Variants in RAB19 observed in about 807,000 individuals in gnomAD.
The protein encoded by RAB19 is ras-related protein Rab-19.
RAB19 carries 21 observed loss-of-function variants against 17.3 expected under a neutral mutation model. The observed-to-expected ratio is 1.21, with a 90% CI of 0.86 to 1.74. RAB19 has a LOEUF of 1.74. RAB19 is among the 40% of genes most tolerant of loss of function. The pLI is 0.00. For missense variants in RAB19, 277 were observed against 286.8 expected, an observed-to-expected ratio of 0.97 and a Z score of 0.25; for synonymous variants, 126 against 110.4, an observed-to-expected ratio of 1.14 and a Z score of -0.88.
chr7:140,405,788 CAAAAAA>C (rs35424074), intron 1 of RAB19, among the ~76,000 whole-genome samples: 1 of 108,842 alleles, frequency 9.2e-6, no homozygotes, highest in Non-Finnish European at 2.0e-5. Context: ...GACTCTGTCT[CAAAAAA>C]AAAAAAAAAA....
rs1799683815 is a variant in RAB19 at position 140,426,972 on chromosome 7, G to A, written c.*822G>A. Among the ~76,000 whole-genome samples, 1 of 150,808 alleles carries A rather than the reference G, an allele frequency of 6.6e-6. No individual in the cohort carries two copies. Among genetic ancestry groups the A allele is most frequent in the South Asian group, 2.1e-4 (1 of 4,778 alleles). ...TTCTCCCACCTCAGTCTCCCAAGTG[G>A]CTGGGACTACAGACACACGCCACCA... On this transcript the variant is annotated 3_prime_UTR_variant, in exon 4 of 4. Transcript: ENST00000537763.
rs369581227 is a variant in RAB19, at chr7:140,422,972, G to T, written c.386-2910G>T. 1.2e-4 allele frequency among the ~76,000 whole-genome samples: 18 copies of T among 151,932 alleles called. 1 individual carries two copies. Among genetic ancestry groups the T allele is most frequent in the African/African-American group, 4.3e-4 (18 of 41,426 alleles). Reference sequence around the variant, plus strand: ...AAAATACAAAAATTAGCCAGGCATGGTGGTGTATGCCTGTAATCCCAGTTA... The same window carrying T: ...AAAATACAAAAATTAGCCAGGCATGTTGGTGTATGCCTGTAATCCCAGTTA... On this transcript the variant is annotated intron_variant, in intron 3 of 3. Transcript: ENST00000537763.
chr7:140,422,828 C>A (rs1204284605), intron 3 of RAB19, among the ~76,000 whole-genome samples: 2 of 152,056 alleles, frequency 1.3e-5, no homozygotes, highest in African/African-American at 4.8e-5. Context: ...TAAATAAAGG[C>A]CAGGCACCGT....
At chr7:140,410,313 CT>C (rs762151021) in intron 2 of RAB19, among the ~76,000 whole-genome samples, 3,773 of 80,704 alleles carry the variant, frequency 0.047, 24 homozygotes, top group Middle Eastern at 0.13. Flanking sequence ...TTGTATTTTT[CT>C]TTTTTTTTTT....
intron 2 of RAB19, among the ~76,000 whole-genome samples, chr7:140,410,460 G>A (rs941210928): frequency 1.3e-5 from 2 of 151,834 alleles, no homozygotes; most frequent in Non-Finnish European, 2.9e-5. Flanking sequence ...CCGAGTAGCT[G>A]GGACTACAGG....
chr7:140,421,741 C>G (rs759219913), intron 3 of RAB19, among the ~76,000 whole-genome samples: 2 of 152,124 alleles, frequency 1.3e-5, no homozygotes. Flanking sequence ...CTCAAGTGAT[C>G]CTCTTGCCTC....
intron 3 of RAB19, among the ~76,000 whole-genome samples, chr7:140,416,109 A>G (rs1006977294): frequency 1.3e-5 from 2 of 152,124 alleles, no homozygotes; most frequent in Admixed American, 6.6e-5. Flanking sequence ...TTGGGAGGCC[A>G]AGGCGGGCAG....
intron 2 of RAB19, 36 bp downstream of exon 2, chr7:140,407,883 T>A (rs1186935077): frequency 1.4e-4 from 29 of 213,308 alleles, no homozygotes; most frequent in Middle Eastern, 1.8e-3. Context: ...GTTCCACCTT[T>A]TTTTTTTTTT....
Position 140,425,500 on chromosome 7 carries a change from C to A in RAB19, c.386-382C>A, listed in dbSNP as rs955255843. On this transcript the variant is annotated intron_variant, in intron 3 of 3. Transcript: ENST00000537763. Reference sequence around the variant, plus strand: ...CAGCACTTTCGGAGGCCGAAGCAGGCGATCACCTGAGGTCAGGAGTACAAG... The same window carrying A: ...CAGCACTTTCGGAGGCCGAAGCAGGAGATCACCTGAGGTCAGGAGTACAAG... 2.0e-5 allele frequency among the ~76,000 whole-genome samples: 3 copies of A among 151,286 alleles called. No individual in the cohort carries two copies. The South Asian group carries it at 6.3e-4, about 32-fold the overall frequency.
At chr7:140,406,248 C>CA (rs56928355) in intron 1 of RAB19, among the ~76,000 whole-genome samples, 31,668 of 80,752 alleles carry the variant, frequency 0.39, 5,900 homozygotes, top group African/African-American at 0.48. Flanking sequence ...AACTCTGTCT[C>CA]AAAAAAAAAA....
chr7:140,414,567 G>C (rs1001949899), intron 3 of RAB19, among the ~76,000 whole-genome samples: 9 of 152,258 alleles, frequency 5.9e-5, no homozygotes, highest in Admixed American at 2.6e-4. Context: ...CTTCTTCCTT[G>C]GTTCTAGAAA....
At chr7:140,419,526 C>T (rs1799521417) in intron 3 of RAB19, among the ~76,000 whole-genome samples, 3 of 152,158 alleles carry the variant, frequency 2.0e-5, no homozygotes, top group Admixed American at 2.0e-4. Context: ...TGCAAGAACA[C>T]CCTACAGAGT....
Position 140,427,246 on chromosome 7 carries a change from G to T in RAB19, c.*1096G>T, listed in dbSNP as rs1203049397. On this transcript the variant is annotated 3_prime_UTR_variant, in exon 4 of 4. Transcript: ENST00000537763. ...TGCAACCTCAACCTCCACCTCCTGG[G>T]TTCAAGCAATTCTCCTGCCTCAGCC... 6.7e-6 allele frequency among the ~76,000 whole-genome samples: 1 copy of T among 150,102 alleles called. No individual in the cohort carries two copies. Among genetic ancestry groups the T allele is most frequent in the Non-Finnish European group, 1.5e-5 (1 of 67,770 alleles).
chr7:140,426,277 C>A lies in RAB19; in HGVS notation c.*127C>A. 9.0e-7 allele frequency: 1 copy of A among 1,107,106 alleles called. No homozygotes were observed. Among genetic ancestry groups the A allele is most frequent in the Non-Finnish European group, 1.3e-6 (1 of 793,116 alleles). 68.6% of individuals were successfully genotyped at this position (1,107,106 alleles called of 1,614,324 possible). ...GTGGACTTGCCGCTCACCCCTAATC[C>A]TCCCAGTCTGGATGGGCCACACTTC... On this transcript the variant is annotated 3_prime_UTR_variant, in exon 4 of 4. Coordinates refer to ENST00000537763, the MANE Select transcript of RAB19 (RefSeq NM_001008749.3).
At chr7:140,419,280 G>A (rs1045892296) in intron 3 of RAB19, among the ~76,000 whole-genome samples, 4 of 151,954 alleles carry the variant, frequency 2.6e-5, no homozygotes, top group Non-Finnish European at 5.9e-5. Flanking sequence ...TGTTGGCCAG[G>A]CTGGTCTTGA....
chr7:140,415,258 A>G (rs533006868), intron 3 of RAB19, among the ~76,000 whole-genome samples: 30 of 147,336 alleles, frequency 2.0e-4, no homozygotes, highest in African/African-American at 7.3e-4. Flanking sequence ...TGTTTTTAGT[A>G]GAGACAGGGT....
intron 3 of RAB19, among the ~76,000 whole-genome samples, chr7:140,420,397 G>A (rs1172907134): frequency 2.0e-5 from 3 of 147,656 alleles, no homozygotes; most frequent in African/African-American, 7.5e-5. Flanking sequence ...CTCCAGCCTG[G>A]GCAACAGAGT....
In RAB19 at chr7:140,405,289, C is replaced by T. The variant is rs148191140; in HGVS notation, c.-24+1072C>T. Among the ~76,000 whole-genome samples the T allele has an allele frequency of 8.5e-4, 130 of 152,190 alleles. 1 individual carries two copies. In the East Asian group the frequency reaches 0.017, roughly 20 times the overall value. ...AGGCTGGACTGCAATGGTGCGATCT[C>T]GGCTCACTGCAACCTCTGCCCTCTG... is the stretch of plus-strand genomic sequence containing the variant. On this transcript the variant is annotated intron_variant, in intron 1 of 3. Transcript: ENST00000537763.
intron 2 of RAB19, chr7:140,411,171 C>A: frequency 1.6e-6 from 2 of 1,286,312 alleles, no homozygotes; most frequent in South Asian, 2.3e-5. Flanking sequence ...AGGCCGAGGC[C>A]AGCAGATCAC....
Sources: allele counts gnomAD v4.1 joint callset (sites outside exome capture counted in the v4.1 genomes callset), GRCh38; gene constraint gnomAD v4.1.1; transcripts MANE v1.5; gene names NCBI Gene and HGNC (gene_info 2026-07-23, HGNC 2026-07-21).